Variants in ACTR3C observed in about 807,000 individuals in gnomAD.
The protein encoded by ACTR3C is actin related protein 3C.
A neutral mutation model predicts 26.3 loss-of-function variants in ACTR3C; 18 were observed. That is an observed-to-expected ratio of 0.68 (90% CI 0.47 to 1.01). The LOEUF is 1.01. Among genes scored for constraint, ACTR3C ranks in the 50% least tolerant of loss-of-function variants. ACTR3C has a pLI of 0.00. For synonymous variants in ACTR3C, 55 were observed against 94.5 expected, an observed-to-expected ratio of 0.58 and a Z score of 2.42; for missense variants, 184 against 250.7, an observed-to-expected ratio of 0.73 and a Z score of 1.80.
At chr7:149,962,350 A>G in the ACTR3C span, among the ~76,000 whole-genome samples, 1 of 152,196 alleles carries the variant, frequency 6.6e-6, no homozygotes, top group East Asian at 1.9e-4. Context: ...GCAGGGCCAG[A>G]TTGTGCAAGG....
At chr7:149,893,208 A>G in the ACTR3C span, among the ~76,000 whole-genome samples, 1 of 152,108 alleles carries the variant, frequency 6.6e-6, no homozygotes, top group Non-Finnish European at 1.5e-5. Context: ...CATCAACACC[A>G]TCTCCTCACT....
chr7:150,105,712 T>G, the ACTR3C span, among the ~76,000 whole-genome samples: 1 of 152,006 alleles, frequency 6.6e-6, no homozygotes, highest in South Asian at 2.1e-4. Flanking sequence ...AATCACATAT[T>G]GAGAAGACAA....
At chr7:150,212,690 C>T in the ACTR3C span, among the ~76,000 whole-genome samples, 2 of 152,124 alleles carry the variant, frequency 1.3e-5, no homozygotes, top group Non-Finnish European at 2.9e-5. Flanking sequence ...CTAGACATGC[C>T]CTTGCTAACA....
intron 6 of ACTR3C, among the ~76,000 whole-genome samples, chr7:150,263,097 G>T (rs1399251364): frequency 1.3e-5 from 2 of 152,084 alleles, no homozygotes; most frequent in African/African-American, 4.8e-5. Flanking sequence ...AGAGAAAACA[G>T]TAGGAAGTCG....
the ACTR3C span, among the ~76,000 whole-genome samples, chr7:149,932,751 A>AGGGCAG: frequency 6.7e-6 from 1 of 149,384 alleles, no homozygotes; most frequent in South Asian, 2.1e-4. Flanking sequence ...CAGCAGGGCG[A>AGGGCAG]GACAGGGCAG....
At chr7:150,046,376 C>T in the ACTR3C span, among the ~76,000 whole-genome samples, 1 of 136,530 alleles carries the variant, frequency 7.3e-6, no homozygotes, top group Non-Finnish European at 1.5e-5. Flanking sequence ...AAACACAACT[C>T]TTGCACTAAA....
chr7:150,039,120 CTTAGGA>C, the ACTR3C span, among the ~76,000 whole-genome samples: 50 of 150,406 alleles, frequency 3.3e-4, no homozygotes, highest in Non-Finnish European at 6.7e-4. Context: ...TCCTAAGGAT[CTTAGGA>C]TCAACGATCG....
At chr7:150,257,087 C>A (rs1044335395) in intron 6 of ACTR3C, among the ~76,000 whole-genome samples, 24 of 152,166 alleles carry the variant, frequency 1.6e-4, no homozygotes, top group East Asian at 7.7e-4. Context: ...TCAGAAAAAT[C>A]AAAACATAGT....
chr7:149,960,615 C>T, the ACTR3C span, among the ~76,000 whole-genome samples: 3 of 152,104 alleles, frequency 2.0e-5, no homozygotes, highest in African/African-American at 7.2e-5. Context: ...TGGAAGCCAC[C>T]ATCTACCAAT....
chr7:150,220,115 G>C, the ACTR3C span, among the ~76,000 whole-genome samples: 3 of 147,934 alleles, frequency 2.0e-5, no homozygotes, highest in South Asian at 2.1e-4. Flanking sequence ...CCCTGCAAGG[G>C]ATGCAGACGC....
the ACTR3C span, among the ~76,000 whole-genome samples, chr7:150,232,190 C>T: frequency 1.3e-4 from 20 of 152,280 alleles, no homozygotes; most frequent in South Asian, 4.1e-3. Context: ...AAGTTCTATG[C>T]AATTTTAAAA....
At chr7:149,974,659 T>C in the ACTR3C span, among the ~76,000 whole-genome samples, 136 of 152,286 alleles carry the variant, frequency 8.9e-4, no homozygotes, top group African/African-American at 3.1e-3. Context: ...TTTTATACCT[T>C]TGGGCTCCCA....
At chr7:150,023,340 T>TACATACATACATAGAG in the ACTR3C span, among the ~76,000 whole-genome samples, 1 of 93,486 alleles carries the variant, frequency 1.1e-5, no homozygotes, top group Non-Finnish European at 2.2e-5. Context: ...CATACATACA[T>TACATACATACATAGAG]ATATATTTTA....
chr7:150,091,033 C>G, the ACTR3C span, among the ~76,000 whole-genome samples: 7 of 151,532 alleles, frequency 4.6e-5, no homozygotes, highest in Admixed American at 3.9e-4. Flanking sequence ...GAGCTGGTAT[C>G]TAATTACTGA....
chr7:150,096,249 G>A, the ACTR3C span, among the ~76,000 whole-genome samples: 3 of 150,254 alleles, frequency 2.0e-5, no homozygotes, highest in African/African-American at 7.5e-5. Flanking sequence ...ATAAAACAAT[G>A]CATAGATATC....
chr7:150,295,607 T>G (rs2129613497), intron 1 of ACTR3C, among the ~76,000 whole-genome samples: 1 of 151,840 alleles, frequency 6.6e-6, no homozygotes, highest in African/African-American at 2.4e-5. Flanking sequence ...AAAAAGAAAC[T>G]CTTATCTTCA....
At chr7:150,079,713 T>C in the ACTR3C span, among the ~76,000 whole-genome samples, 1 of 152,154 alleles carries the variant, frequency 6.6e-6, no homozygotes, top group African/African-American at 2.4e-5. Context: ...TCCTCCACAG[T>C]GGGGGCAGTG....
At chr7:150,118,530 A>G in the ACTR3C span, among the ~76,000 whole-genome samples, 1 of 147,868 alleles carries the variant, frequency 6.8e-6, no homozygotes, top group Non-Finnish European at 1.5e-5. Flanking sequence ...AGACAAGATT[A>G]GAGAAAAAAG....
At chr7:150,156,920 G>A in the ACTR3C span, among the ~76,000 whole-genome samples, 223 of 151,742 alleles carry the variant, frequency 1.5e-3, 1 homozygote, top group African/African-American at 5.2e-3. Flanking sequence ...GGTTCACTGA[G>A]GGGTTGGTTA....
Sources: gnomAD v4.1 joint callset for allele counts (sites outside exome capture counted in the v4.1 genomes callset) on GRCh38, gnomAD v4.1.1 for gene constraint, MANE v1.5 for transcripts, NCBI Gene and HGNC (gene_info 2026-07-23, HGNC 2026-07-21) for gene names.